LRRC4C: variants seen among roughly 807,000 people sequenced by gnomAD.
LRRC4C encodes leucine rich repeat containing 4C, also known as leucine-rich repeat-containing protein 4C.
Under a neutral mutation model 33.6 loss-of-function variants are expected in LRRC4C, and 5 were observed. The ratio of observed to expected loss-of-function variants is 0.15; its 90% CI spans 0.08 to 0.31. LRRC4C has a LOEUF of 0.31. LRRC4C is among the 10% of genes least tolerant of loss of function. LRRC4C has a pLI of 1.00. For missense variants in LRRC4C, 560 were observed against 796.7 expected (o/e 0.70, Z 3.58); for synonymous variants, 329 against 302.0 (o/e 1.09, Z -0.93).
intron 1 of LRRC4C, among the ~76,000 whole-genome samples, chr11:41,099,731 A>G (rs1395187527): frequency 5.3e-5 from 8 of 152,206 alleles, no homozygotes; most frequent in Admixed American, 4.6e-4. Context: ...CACAGTGAAC[A>G]TCACACTAAA....
At chr11:40,567,261 T>C (rs1957802366) in intron 3 of LRRC4C, among the ~76,000 whole-genome samples, 1 of 152,210 alleles carries the variant, frequency 6.6e-6, no homozygotes, top group Non-Finnish European at 1.5e-5. Context: ...TTCAAAACAC[T>C]TGGTAATCAC....
At chr11:41,209,888 A>T (rs1748884520) in intron 1 of LRRC4C, among the ~76,000 whole-genome samples, 2 of 152,078 alleles carry the variant, frequency 1.3e-5, no homozygotes, top group African/African-American at 4.8e-5. Context: ...GGGGGTAATT[A>T]AGGTTAAAAG....
chr11:40,142,131 A>G (rs1431241468), intron 5 of LRRC4C, among the ~76,000 whole-genome samples: 1 of 151,960 alleles, frequency 6.6e-6, no homozygotes, highest in Non-Finnish European at 1.5e-5. Context: ...AAAAATACAA[A>G]AATTAGCCAG....
intron 1 of LRRC4C, among the ~76,000 whole-genome samples, chr11:41,252,578 C>T (rs1483336999): frequency 1.3e-5 from 2 of 152,090 alleles, no homozygotes; most frequent in African/African-American, 4.8e-5. Context: ...TTTCTACTGA[C>T]TCTGTTTTTG....
chr11:41,259,239 A>G (rs1258604163), intron 1 of LRRC4C, among the ~76,000 whole-genome samples: 2 of 151,982 alleles, frequency 1.3e-5, no homozygotes, highest in Non-Finnish European at 2.9e-5. Flanking sequence ...TCTTTCCCAC[A>G]TAAAGAACAT....
At chr11:40,869,426 A>G (rs1378392017) in intron 2 of LRRC4C, among the ~76,000 whole-genome samples, 1 of 152,100 alleles carries the variant, frequency 6.6e-6, no homozygotes, top group African/African-American at 2.4e-5. Flanking sequence ...AATTTCTAAA[A>G]TAATAATTGG....
chr11:40,797,593 A>G (rs188168426), intron 2 of LRRC4C, among the ~76,000 whole-genome samples: 6 of 152,288 alleles, frequency 3.9e-5, no homozygotes, highest in Non-Finnish European at 7.4e-5. Context: ...TGTATTTCCA[A>G]TTTCTCAGGA....
intron 1 of LRRC4C, among the ~76,000 whole-genome samples, chr11:41,289,333 T>A (rs1184170923): frequency 1.3e-5 from 2 of 152,144 alleles, no homozygotes; most frequent in Non-Finnish European, 2.9e-5. Context: ...TCACAGGAGT[T>A]TAAGAAGTGT....
At chr11:40,873,770 G>C (rs920015182) in intron 2 of LRRC4C, among the ~76,000 whole-genome samples, 3 of 152,002 alleles carry the variant, frequency 2.0e-5, no homozygotes, top group African/African-American at 7.2e-5. Flanking sequence ...TATCACTGGC[G>C]GGAGAATTCA....
At chr11:41,262,162 A>G (rs891482381) in intron 1 of LRRC4C, among the ~76,000 whole-genome samples, 3 of 152,102 alleles carry the variant, frequency 2.0e-5, no homozygotes, top group African/African-American at 7.2e-5. Flanking sequence ...CTGGCATACT[A>G]TGGTCTTTGA....
intron 1 of LRRC4C, among the ~76,000 whole-genome samples, chr11:41,443,886 G>A (rs542385245): frequency 1.8e-3 from 267 of 150,508 alleles, no homozygotes; most frequent in Non-Finnish European, 3.1e-3. Context: ...GCCTCCCAAA[G>A]TACTGGGATT....
At chr11:41,377,932 A>T (rs1952999339) in intron 1 of LRRC4C, among the ~76,000 whole-genome samples, 1 of 152,170 alleles carries the variant, frequency 6.6e-6, no homozygotes, top group African/African-American at 2.4e-5. Context: ...CGCCCTCTTG[A>T]ACTGTGTAGT....
intron 1 of LRRC4C, among the ~76,000 whole-genome samples, chr11:40,957,507 T>C (rs1959011330): frequency 6.6e-6 from 1 of 151,788 alleles, no homozygotes. Context: ...AGCTGTATTT[T>C]CTGAACTATG....
Position 40,340,482 on chromosome 11 carries a change from G to C in LRRC4C, c.-269-20761C>G, listed in dbSNP as rs74468233. 4.9e-4 allele frequency among the ~76,000 whole-genome samples: 74 copies of C among 152,094 alleles called. 4 individuals carry two copies. The East Asian group carries it at 0.014, about 29-fold the overall frequency. ...GGACTGAGGAATGTATGTGTAGTGG[G>C]GACTGAGGCTAAGGGATACATTTGG... On this transcript the variant is annotated intron_variant, in intron 3 of 6. Transcript: ENST00000528697.
intron 5 of LRRC4C, among the ~76,000 whole-genome samples, chr11:40,154,110 G>A (rs1241072111): frequency 1.3e-5 from 2 of 152,072 alleles, no homozygotes; most frequent in African/African-American, 2.4e-5. Flanking sequence ...CAAGCTAGAC[G>A]GGATTGGGGC....
At chr11:40,174,440 A>G (rs780625564) in intron 5 of LRRC4C, among the ~76,000 whole-genome samples, 37 of 152,208 alleles carry the variant, frequency 2.4e-4, no homozygotes, top group Non-Finnish European at 4.6e-4. Flanking sequence ...CTAAAGGAAC[A>G]TAAGAGATTC....
chr11:40,417,403 C>T (rs902132945), intron 3 of LRRC4C, among the ~76,000 whole-genome samples: 1 of 152,096 alleles, frequency 6.6e-6, no homozygotes, highest in African/African-American at 2.4e-5. Flanking sequence ...ATGATCCCGG[C>T]TCACTGCAAC....
chr11:40,517,743 GGA>G (rs1491172721), intron 3 of LRRC4C, among the ~76,000 whole-genome samples: 1 of 115,494 alleles, frequency 8.7e-6, no homozygotes, highest in African/African-American at 2.8e-5. Flanking sequence ...AGAATTGGGG[GGA>G]AAAAAAAAAA....
intron 3 of LRRC4C, among the ~76,000 whole-genome samples, chr11:40,555,624 C>A (rs1171687614): frequency 6.6e-6 from 1 of 152,074 alleles, no homozygotes; most frequent in African/African-American, 2.4e-5. Context: ...CTTCCCTGGG[C>A]CACACTGGAA....
Sources: gnomAD v4.1 joint callset for allele counts (sites outside exome capture counted in the v4.1 genomes callset) on GRCh38, gnomAD v4.1.1 for gene constraint, MANE v1.5 for transcripts, NCBI Gene and HGNC (gene_info 2026-07-23, HGNC 2026-07-21) for gene names.